Variants in ASTN2 observed in about 807,000 individuals in gnomAD.
ASTN2 encodes astrotactin 2, also known as astrotactin-2.
ASTN2 carries 54 observed loss-of-function variants against 139.8 expected under a neutral mutation model. The observed-to-expected ratio is 0.39, with a 90% CI of 0.31 to 0.48. The LOEUF is 0.48. ASTN2 is among the 20% of genes least tolerant of loss of function. The probability of loss-of-function intolerance (pLI) is 0.95; values close to 1 mark genes in which losing one functional copy is unlikely to be tolerated. For missense variants in ASTN2, 1,565 were observed against 1,725.1 expected, an observed-to-expected ratio of 0.91 and a Z score of 1.64; for synonymous variants, 756 against 719.5, an observed-to-expected ratio of 1.05 and a Z score of -0.81.
At chr9:116,493,981 A>G (rs1474212741) in intron 19 of ASTN2, among the ~76,000 whole-genome samples, 1 of 152,112 alleles carries the variant, frequency 6.6e-6, no homozygotes, top group East Asian at 1.9e-4. Flanking sequence ...CTCTCTCTGC[A>G]TTTCCTTTAC....
intron 10 of ASTN2, among the ~76,000 whole-genome samples, chr9:116,964,254 T>TGC (rs1418888226): frequency 1.8e-3 from 235 of 129,016 alleles, no homozygotes; most frequent in East Asian, 5.8e-3. Context: ...TGTGTGTGTG[T>TGC]GTGCGCGCGC....
chr9:116,556,766 C>T (rs1301781704), intron 19 of ASTN2, among the ~76,000 whole-genome samples: 1 of 152,146 alleles, frequency 6.6e-6, no homozygotes, highest in Non-Finnish European at 1.5e-5. Context: ...ACCAGACCCA[C>T]ATATTGAAGT....
intron 3 of ASTN2, among the ~76,000 whole-genome samples, chr9:117,163,462 CT>C (rs1233721397): frequency 1.5e-4 from 23 of 152,188 alleles, no homozygotes; most frequent in African/African-American, 5.3e-4. Context: ...TGCTTTGTGA[CT>C]GCATCACATG....
intron 16 of ASTN2, among the ~76,000 whole-genome samples, chr9:116,710,735 A>C (rs1350749296): frequency 1.8e-4 from 1 of 5,682 alleles, no homozygotes; most frequent in South Asian, 6.3e-3. Context: ...CTCCGTCTCA[A>C]AAAAAAAAAA....
chr9:116,850,147 A>G (rs1024639455), intron 11 of ASTN2, among the ~76,000 whole-genome samples: 1 of 152,160 alleles, frequency 6.6e-6, no homozygotes, highest in Non-Finnish European at 1.5e-5. Flanking sequence ...ATCAACTGCA[A>G]CACCCACAGC....
At chr9:116,896,099 T>C (rs1833873123) in intron 10 of ASTN2, among the ~76,000 whole-genome samples, 1 of 152,186 alleles carries the variant, frequency 6.6e-6, no homozygotes. Flanking sequence ...TGTATTCTAT[T>C]TGCCAAGCAC....
intron 10 of ASTN2, among the ~76,000 whole-genome samples, chr9:116,878,922 GGT>G (rs1316738003): frequency 2.6e-5 from 4 of 151,664 alleles, no homozygotes; most frequent in African/African-American, 9.7e-5. Context: ...GAAGTCCTGG[GGT>G]CTCAGGTGTG....
At chr9:117,388,713 G>A (rs1054923811) in intron 1 of ASTN2, among the ~76,000 whole-genome samples, 3 of 152,106 alleles carry the variant, frequency 2.0e-5, no homozygotes, top group East Asian at 1.9e-4. Flanking sequence ...AGCCTGTGAC[G>A]GCCTGGGCTG....
chr9:117,072,114 A>G (rs1490726646), intron 5 of ASTN2, among the ~76,000 whole-genome samples: 7 of 152,036 alleles, frequency 4.6e-5, no homozygotes, highest in Non-Finnish European at 1.0e-4. Context: ...AAATTCATAC[A>G]CTTCAAGTCC....
intron 19 of ASTN2, among the ~76,000 whole-genome samples, chr9:116,502,036 AG>A (rs1230453274): frequency 6.6e-6 from 1 of 152,048 alleles, no homozygotes; most frequent in Non-Finnish European, 1.5e-5. Flanking sequence ...AGCAAAGATG[AG>A]TCAGGTTTTC....
At chr9:116,887,828 C>A (rs772399806) in intron 10 of ASTN2, among the ~76,000 whole-genome samples, 2 of 152,094 alleles carry the variant, frequency 1.3e-5, no homozygotes, top group African/African-American at 4.8e-5. Flanking sequence ...CCACCACATC[C>A]AGCTAAGTTT....
intron 5 of ASTN2, among the ~76,000 whole-genome samples, chr9:117,094,139 G>A (rs1361701227): frequency 7.2e-6 from 1 of 139,320 alleles, no homozygotes; most frequent in Non-Finnish European, 1.6e-5. Flanking sequence ...AGGGACTAAG[G>A]GAGGGAGGGA....
chr9:116,943,763 T>C (rs940389884), intron 10 of ASTN2, among the ~76,000 whole-genome samples: 1 of 152,216 alleles, frequency 6.6e-6, no homozygotes, highest in Non-Finnish European at 1.5e-5. Context: ...GTCTCCTGCA[T>C]GGCCAGCATG....
intron 10 of ASTN2, among the ~76,000 whole-genome samples, chr9:116,957,651 C>T (rs1479433801): frequency 6.6e-6 from 1 of 152,190 alleles, no homozygotes; most frequent in Non-Finnish European, 1.5e-5. Context: ...TTTCATGTTT[C>T]CTCATGATTA....
intron 13 of ASTN2, among the ~76,000 whole-genome samples, chr9:116,753,985 C>T (rs1033741882): frequency 2.7e-5 from 4 of 147,156 alleles, no homozygotes; most frequent in Non-Finnish European, 6.0e-5. Context: ...GTGATGCCCG[C>T]TGCCCCCACC....
chr9:117,005,391 T>C (rs550566160), intron 7 of ASTN2, among the ~76,000 whole-genome samples: 37 of 152,216 alleles, frequency 2.4e-4, no homozygotes, highest in Non-Finnish European at 4.1e-4. Context: ...TTTTATGTTG[T>C]CTTGGCACCC....
intron 16 of ASTN2, among the ~76,000 whole-genome samples, chr9:116,675,024 C>A (rs1859420525): frequency 6.6e-6 from 1 of 152,090 alleles, no homozygotes; most frequent in African/African-American, 2.4e-5. Context: ...GCAAGGTGAA[C>A]CCCCTGGGCA....
chr9:117,317,597 C>T (rs77328582), intron 1 of ASTN2, among the ~76,000 whole-genome samples: 15,636 of 152,178 alleles, frequency 0.1, 2,150 homozygotes, highest in African/African-American at 0.32. Flanking sequence ...TCCAGATACC[C>T]GGCTCATTCC....
At chr9:116,614,704 T>C (rs1044738319) in intron 19 of ASTN2, among the ~76,000 whole-genome samples, 1 of 152,024 alleles carries the variant, frequency 6.6e-6, no homozygotes. Flanking sequence ...CTTCCTTACA[T>C]CTTATACAAA....
Sources: gnomAD v4.1 joint callset for allele counts (sites outside exome capture counted in the v4.1 genomes callset) on GRCh38, gnomAD v4.1.1 for gene constraint, MANE v1.5 for transcripts, NCBI Gene and HGNC (gene_info 2026-07-23, HGNC 2026-07-21) for gene names.